Variants in IGLL5 observed in about 807,000 individuals in gnomAD.
IGLL5 encodes immunoglobulin lambda-like polypeptide 5.
In IGLL5, 30 loss-of-function variants were observed where a neutral mutation model predicts 20.9. The ratio of observed to expected loss-of-function variants is 1.44; its 90% confidence interval spans 1.07 to 1.95. The LOEUF (loss-of-function observed/expected upper bound fraction) is 1.95, where lower values mean the gene tolerates loss of function less well. IGLL5 is among the 30% of genes most tolerant of loss of function. IGLL5 has a pLI of 0.00. For synonymous variants in IGLL5, 203 were observed against 117.3 expected (o/e 1.73, Z -4.72); for missense variants, 475 against 270.7 (o/e 1.75, Z -5.30).
intron 2 of IGLL5, among the ~76,000 whole-genome samples, 164 bp downstream of exon 2, chr22:22,893,982 C>T (rs920769235): frequency 1.1e-4 from 16 of 151,130 alleles, no homozygotes; most frequent in Middle Eastern, 3.8e-3. Context: ...TCCGGGTAAC[C>T]GGCAGGAAGG....
intron 2 of IGLL5, among the ~76,000 whole-genome samples, chr22:22,894,223 G>A (rs1240658346): frequency 2.0e-5 from 3 of 151,358 alleles, no homozygotes; most frequent in Admixed American, 1.3e-4. Flanking sequence ...TAGTCTAGGG[G>A]AGCAGCCCCA....
intron 2 of IGLL5, among the ~76,000 whole-genome samples, chr22:22,894,827 CA>C: frequency 6.6e-6 from 1 of 151,398 alleles, no homozygotes; most frequent in South Asian, 2.1e-4. Context: ...CACTCCTTGC[CA>C]GGAGAGCCAA....
chr22:22,894,464 C>G (rs563117370), intron 2 of IGLL5, among the ~76,000 whole-genome samples: 3 of 151,360 alleles, frequency 2.0e-5, no homozygotes, highest in South Asian at 2.1e-4. Flanking sequence ...GGACAGTCAC[C>G]AGAAAGGAGA....
intron 1 of IGLL5, among the ~76,000 whole-genome samples, 188 bp downstream of exon 1, chr22:22,888,447 T>C (rs191436738): frequency 1.1e-4 from 16 of 151,394 alleles, no homozygotes; most frequent in Middle Eastern, 3.7e-3. Context: ...CTGTTTTTAA[T>C]ATCATATTAC....
intron 1 of IGLL5, among the ~76,000 whole-genome samples, chr22:22,889,842 C>T (rs2067757827): frequency 6.6e-6 from 1 of 151,322 alleles, no homozygotes; most frequent in South Asian, 2.1e-4. Context: ...AGCAATCTTT[C>T]TGCCTCAGTT....
Position 22,895,452 on chromosome 22 carries a change from G to C in IGLL5, c.403G>C (p.Val135Leu), listed in dbSNP as rs776861178. The C allele has an allele frequency of 1.9e-6, 3 of 1,612,916 alleles. No homozygotes were observed. The highest frequency in any genetic ancestry group is 2.2e-5 in the South Asian group (2 of 91,018). ...EELQANKATL[V>L]CLISDFYPGA... ...GCTCCAAGCCAACAAGGCCACACTA[G>C]TGTGTCTGATCAGTGACTTCTACCC... The change falls in exon 3 of 3, where the codon GTG (valine) becomes CTG (leucine). Residue 135 changes from valine to leucine, a missense_variant. Transcript: ENST00000526893.
rs1234415159 is a variant in IGLL5 at position 22,888,647 on chromosome 22, C to T, written c.206+388C>T. ...CTGTTCCTCCCCCTCCTCCTCTCTGCCCATGTGCCTCCTGCCCAGTGAGGG... is the reference window on the plus strand; with the variant it reads ...CTGTTCCTCCCCCTCCTCCTCTCTGTCCATGTGCCTCCTGCCCAGTGAGGG... On this transcript the variant is annotated intron_variant, in intron 1 of 2. Transcript: ENST00000526893. Among the ~76,000 whole-genome samples, 8 of 151,268 alleles carry T rather than the reference C, an allele frequency of 5.3e-5. No homozygotes were observed. In the South Asian group the frequency reaches 6.3e-4, roughly 12 times the overall value.
chr22:22,892,220 G>C (rs1176923927), intron 1 of IGLL5, among the ~76,000 whole-genome samples: 2 of 151,192 alleles, frequency 1.3e-5, no homozygotes, highest in Non-Finnish European at 2.9e-5. Flanking sequence ...TGAGAAACAA[G>C]TGTTGAATTT....
intron 2 of IGLL5, among the ~76,000 whole-genome samples, chr22:22,894,484 A>T (rs141148343): frequency 6.6e-6 from 1 of 151,388 alleles, no homozygotes; most frequent in African/African-American, 2.4e-5. Context: ...ACAGTCTCTT[A>T]GGGCAGAGAT....
At chr22:22,892,284 T>TGC (rs2067873087) in intron 1 of IGLL5, among the ~76,000 whole-genome samples, 1 of 151,224 alleles carries the variant, frequency 6.6e-6, no homozygotes, top group Non-Finnish European at 1.5e-5. Context: ...ATGTCTTAAA[T>TGC]ACAAATGTAT....
intron 2 of IGLL5, among the ~76,000 whole-genome samples, chr22:22,894,074 T>A (rs1363302205): frequency 2.0e-5 from 3 of 151,402 alleles, no homozygotes; most frequent in East Asian, 2.0e-4. Context: ...TCCTCCTCTC[T>A]TCCAGGGCAG....
chr22:22,894,641 A>G (rs567357132), intron 2 of IGLL5, among the ~76,000 whole-genome samples: 2 of 150,262 alleles, frequency 1.3e-5, no homozygotes, highest in African/African-American at 4.9e-5. Flanking sequence ...CATGGCTACC[A>G]GGTGAAGTTT....
intron 1 of IGLL5, among the ~76,000 whole-genome samples, chr22:22,893,243 A>G (rs1361328647): frequency 6.6e-6 from 1 of 151,132 alleles, no homozygotes; most frequent in Non-Finnish European, 1.5e-5. Context: ...AGAGATCAGA[A>G]AAAGCTTCAT....
chr22:22,894,258 G>C (rs561373035), intron 2 of IGLL5, among the ~76,000 whole-genome samples: 4 of 151,170 alleles, frequency 2.6e-5, no homozygotes, highest in South Asian at 2.1e-4. Flanking sequence ...TCTAGGCTGA[G>C]GACTGGATGC....
Position 22,895,502 on chromosome 22 carries a change from G to A in IGLL5, c.453G>A (p.Lys151=). ...FYPGAVTVAW[K]ADGSPVKAGV... is the part of the protein sequence containing the mutation. ...CGGGAGCTGTGACAGTGGCCTGGAAGGCAGATGGCAGCCCCGTCAAGGCGG... is the reference window on the plus strand; with the variant it reads ...CGGGAGCTGTGACAGTGGCCTGGAAAGCAGATGGCAGCCCCGTCAAGGCGG... Residue 151 remains lysine, a synonymous_variant, in exon 3 of 3, where the codon AAG becomes AAA. Coordinates refer to ENST00000526893, the MANE Select transcript of IGLL5 (RefSeq NM_001178126.2). 1 of 1,612,734 alleles carries A rather than the reference G, an allele frequency of 6.2e-7. No homozygotes were observed. The highest frequency in any genetic ancestry group is 8.5e-7 in the Non-Finnish European group (1 of 1,179,610).
At chr22:22,894,236 A>G (rs537588523) in intron 2 of IGLL5, among the ~76,000 whole-genome samples, 5 of 151,042 alleles carry the variant, frequency 3.3e-5, no homozygotes, top group East Asian at 2.0e-4. Flanking sequence ...CAGCCCCAAG[A>G]ACAGCTGAGG....
At chr22:22,889,238 T>G (rs528188004) in intron 1 of IGLL5, among the ~76,000 whole-genome samples, 1 of 150,944 alleles carries the variant, frequency 6.6e-6, no homozygotes, top group African/African-American at 2.4e-5. Flanking sequence ...GGGAGGACAC[T>G]CAGATTCAGA....
chr22:22,894,762 G>GACAGGAA (rs2146045982), intron 2 of IGLL5, among the ~76,000 whole-genome samples: 1 of 151,392 alleles, frequency 6.6e-6, no homozygotes, highest in African/African-American at 2.4e-5. Flanking sequence ...GGCTTGTGGA[G>GACAGGAA]ACAGGAAACA....
chr22:22,888,535 C>T lies in IGLL5; in HGVS notation c.206+276C>T, dbSNP rs540244219. 3.3e-5 allele frequency among the ~76,000 whole-genome samples: 5 copies of T among 151,392 alleles called. 1 individual carries two copies. The highest frequency in any genetic ancestry group is 9.7e-5 in the African/African-American group (4 of 41,320). ...AGGGTCAGTGCCTCAATCACCTAGT[C>T]CTAGTCCTCTGGGTAGGGAAGGAAC... On this transcript the variant is annotated intron_variant, in intron 1 of 2. Coordinates refer to ENST00000526893, the MANE Select transcript of IGLL5 (RefSeq NM_001178126.2).
Sources: allele counts gnomAD v4.1 joint callset (sites outside exome capture counted in the v4.1 genomes callset), GRCh38; gene constraint gnomAD v4.1.1; transcripts MANE v1.5; gene names NCBI Gene and HGNC (gene_info 2026-07-23, HGNC 2026-07-21).